FAM111A: variants seen among roughly 807,000 people sequenced by gnomAD.
FAM111A encodes serine protease FAM111A.
In FAM111A, 8 loss-of-function variants were observed where a neutral mutation model predicts 3.3. That is an observed-to-expected ratio of 2.39 (90% CI 1.40 to 4.32). The LOEUF is 4.32. Among genes scored for constraint, FAM111A ranks in the 30% most tolerant of loss-of-function variants. The probability of loss-of-function intolerance (pLI) is 0.00; values close to 1 mark genes in which losing one functional copy is unlikely to be tolerated. For missense variants in FAM111A, 683 were observed against 727.6 expected, an observed-to-expected ratio of 0.94 and a Z score of 0.71; for synonymous variants, 227 against 243.1, an observed-to-expected ratio of 0.93 and a Z score of 0.62.
Position 59,153,896 on chromosome 11 carries a change from G to C in FAM111A, c.*392G>C, listed in dbSNP as rs1303259469. On this transcript the variant is annotated 3_prime_UTR_variant, in exon 6 of 6. Coordinates refer to ENST00000675163, the MANE Select transcript of FAM111A (RefSeq NM_001312909.2). ...TTTTTTTTTTTTTTTTGTATTTTTAGTAGAGACAGGGTTTCACCATGTTGG... is the reference window on the plus strand; with the variant it reads ...TTTTTTTTTTTTTTTTGTATTTTTACTAGAGACAGGGTTTCACCATGTTGG... 6.8e-6 allele frequency: 1 copy of C among 146,894 alleles called. No homozygotes were observed. 9.1% of individuals were successfully genotyped at this position (146,894 alleles called of 1,614,324 possible). A position where few individuals can be genotyped will look rare whatever the true frequency, so the allele number is the denominator to read the frequency against.
chr11:59,145,946 C>T (rs1251638407), intron 4 of FAM111A, 90 bp downstream of exon 4: 1 of 151,070 alleles, frequency 6.6e-6, no homozygotes, highest in Non-Finnish European at 1.5e-5. Flanking sequence ...GTTTTAAAGG[C>T]TTTGCATATG....
chr11:59,149,181 C>A, intron 5 of FAM111A: 1 of 467,588 alleles, frequency 2.1e-6, no homozygotes, highest in Non-Finnish European at 3.8e-6. Context: ...TGTTGATATA[C>A]TGTATTGCTT....
At position 59,153,155 on chromosome 11, in the gene FAM111A, A is replaced by G; in HGVS notation, c.1487A>G (p.Lys496Arg). 1 of 1,614,230 alleles carries G rather than the reference A, an allele frequency of 6.2e-7. No homozygotes were observed. ...AVIPQGQRAK[K>R]CQERVQSKKA... The stretch of plus-strand genomic sequence containing the variant: ...ATCCCTCAGGGTCAGCGAGCAAAGA[A>G]ATGTCAGGAACGTGTTCAGTCTAAA... Residue 496 changes from lysine (K) to arginine (R), a missense_variant, in exon 6 of 6, where the codon AAA becomes AGA. Lys to Arg is a conservative substitution (Grantham distance 26). This residue lies in a region of FAM111A where 557 missense variants were observed against 600.2 expected (regional missense o/e 0.93). Coordinates refer to ENST00000675163, the MANE Select transcript of FAM111A (RefSeq NM_001312909.2).
At chr11:59,146,051 G>A (rs759015665) in intron 4 of FAM111A, among the ~76,000 whole-genome samples, 195 bp downstream of exon 4, 324 of 150,784 alleles carry the variant, frequency 2.1e-3, no homozygotes, top group Non-Finnish European at 3.4e-3. Context: ...GTGTATGTGT[G>A]TATATATATA....
At chr11:59,150,663 T>C (rs1449128835) in intron 5 of FAM111A, among the ~76,000 whole-genome samples, 1 of 152,172 alleles carries the variant, frequency 6.6e-6, no homozygotes, top group Non-Finnish European at 1.5e-5. Context: ...ATCATAAATA[T>C]AAAGTTTACA....
At chr11:59,146,317 C>A (rs1860892287) in intron 4 of FAM111A, among the ~76,000 whole-genome samples, 1 of 152,198 alleles carries the variant, frequency 6.6e-6, no homozygotes, top group African/African-American at 2.4e-5. Context: ...CTCCTGACTT[C>A]AAGTGATCCA....
rs912326732 is a variant in FAM111A at position 59,143,694 on chromosome 11, A to G, written c.-108A>G. On this transcript the variant is annotated splice_region_variant and 5_prime_UTR_variant, in exon 3 of 6. Coordinates refer to ENST00000675163, the MANE Select transcript of FAM111A (RefSeq NM_001312909.2). ...AGTGACAAATGTTGAGTACATTATC[A>G]GGTATGTTCACTATTGTGAGAACTG... The G allele has an allele frequency of 2.0e-5, 3 of 152,238 alleles. No homozygotes were observed. Among genetic ancestry groups the G allele is most frequent in the African/African-American group, 7.2e-5 (3 of 41,472 alleles). 9.4% of individuals were successfully genotyped at this position (152,238 alleles called of 1,614,324 possible). A position where few individuals can be genotyped will look rare whatever the true frequency, so the allele number is the denominator to read the frequency against.
intron 5 of FAM111A, among the ~76,000 whole-genome samples, chr11:59,150,368 T>G (rs1468921560): frequency 1.3e-5 from 2 of 152,216 alleles, no homozygotes; most frequent in Non-Finnish European, 2.9e-5. Context: ...TATGTGCTAG[T>G]CATTGTGCTA....
chr11:59,151,766 A>T lies in FAM111A; in HGVS notation c.98A>T (p.Gln33Leu). ...TATTTTTAGGTCTCTAAAGAGCAACAGAATAATTGCAGTACTTCTCTAATG... is the reference window on the plus strand; with the variant it reads ...TATTTTTAGGTCTCTAAAGAGCAACTGAATAATTGCAGTACTTCTCTAATG... ...HYFSPVSKEQ[Q>L]NNCSTSLMRM... is the part of the protein sequence containing the mutation. The change falls in exon 6 of 6, where the codon CAG (glutamine) becomes CTG (leucine). Residue 33 changes from glutamine (Q) to leucine (L), a missense_variant. By Grantham distance (113) the Gln-to-Leu change is moderately radical (BLOSUM62 -2). This residue lies in a region of FAM111A where 557 missense variants were observed against 600.2 expected (regional missense o/e 0.93). Coordinates refer to ENST00000675163, the MANE Select transcript of FAM111A (RefSeq NM_001312909.2). The T allele has an allele frequency of 1.3e-6, 2 of 1,585,152 alleles. No homozygotes were observed. Among genetic ancestry groups the T allele is most frequent in the Non-Finnish European group, 1.7e-6 (2 of 1,171,612 alleles).
intron 3 of FAM111A, chr11:59,144,130 C>G (rs1860509970): frequency 6.6e-6 from 1 of 152,196 alleles, no homozygotes; most frequent in South Asian, 2.1e-4. Context: ...TCTCCATTAC[C>G]TAAGTGAGCA....
chr11:59,148,159 A>G (rs183130649), intron 4 of FAM111A: 3 of 152,322 alleles, frequency 2.0e-5, no homozygotes, highest in African/African-American at 7.2e-5. Flanking sequence ...AAGTTTGTTC[A>G]TCCTCTTCTA....
At chr11:59,144,247 A>C (rs559067508) in intron 3 of FAM111A, 8 of 152,226 alleles carry the variant, frequency 5.3e-5, no homozygotes, top group African/African-American at 1.9e-4. Context: ...CCAACCCTCA[A>C]CTCAGAATCA....
At position 59,152,031 on chromosome 11, in the gene FAM111A, C is replaced by A. The variant is rs1464897082; in HGVS notation, c.363C>A (p.His121Gln). 2 of 1,614,174 alleles carry A rather than the reference C, an allele frequency of 1.2e-6. No homozygotes were observed. Among genetic ancestry groups the A allele is most frequent in the East Asian group, 2.2e-5 (1 of 44,886 alleles). Residue 121 changes from histidine to glutamine, a missense_variant, in exon 6 of 6, where the codon CAC becomes CAA. Transcript: ENST00000675163. ...LQAVRKEIET[H>Q]QGQEMLVRGT... ...CTGTCAGAAAAGAGATAGAAACTCA[C>A]CAAGGCCAAGAAATGCTTGTGCGTG... is the stretch of plus-strand genomic sequence containing the variant.
At position 59,151,799 on chromosome 11, in the gene FAM111A, A is replaced by G; in HGVS notation, c.131A>G (p.Glu44Gly). ...NNCSTSLMRMESRGDPRATTN... is the reference protein window; with the variant it reads ...NNCSTSLMRMGSRGDPRATTN... Reference sequence around the variant, plus strand: ...TGCAGTACTTCTCTAATGAGGATGGAGTCTAGAGGAGACCCAAGAGCCACA... The same window carrying G: ...TGCAGTACTTCTCTAATGAGGATGGGGTCTAGAGGAGACCCAAGAGCCACA... The change falls in exon 6 of 6, where the codon GAG becomes GGG. Residue 44 changes from glutamate (E) to glycine (G), a missense_variant. Glu to Gly is a moderately conservative substitution (Grantham distance 98). Transcript: ENST00000675163. 1.2e-6 allele frequency: 2 copies of G among 1,608,542 alleles called. No homozygotes were observed. The highest frequency in any genetic ancestry group is 1.1e-5 in the South Asian group (1 of 89,874).
At chr11:59,145,577 A>G (rs1239051521) in intron 3 of FAM111A, 1 of 152,208 alleles carries the variant, frequency 6.6e-6, no homozygotes, top group East Asian at 1.9e-4. Flanking sequence ...GCCCCTTTCC[A>G]CTGTGATTGC....
chr11:59,153,113 T>C lies in FAM111A; in HGVS notation c.1445T>C (p.Ile482Thr), dbSNP rs375431912. 26 of 1,614,060 alleles carry C rather than the reference T, an allele frequency of 1.6e-5. No individual in the cohort carries two copies. In the African/African-American group the frequency reaches 2.3e-4, roughly 14 times the overall value. The change falls in exon 6 of 6, where the codon ATT (isoleucine) becomes ACT (threonine). Residue 482 changes from isoleucine (I) to threonine (T), a missense_variant. By Grantham distance (89) the Ile-to-Thr change is moderately conservative. Transcript: ENST00000675163. Reference protein sequence around the residue: ...IGHPYGEKKQIDACAVIPQGQ... With the variant: ...IGHPYGEKKQTDACAVIPQGQ... ...CATCCATATGGAGAAAAAAAGCAGA[T>C]TGATGCTTGTGCTGTGATCCCTCAG...
intron 4 of FAM111A, among the ~76,000 whole-genome samples, chr11:59,147,843 A>G (rs1217882435): frequency 6.6e-6 from 1 of 152,214 alleles, no homozygotes; most frequent in African/African-American, 2.4e-5. Context: ...GTAAAAGTTT[A>G]ATCTCCCTGG....
chr11:59,149,843 G>A (rs1028034576), intron 5 of FAM111A, among the ~76,000 whole-genome samples: 1 of 152,186 alleles, frequency 6.6e-6, no homozygotes, highest in Non-Finnish European at 1.5e-5. Context: ...TAAGTTTAAT[G>A]ACATGTAGTT....
chr11:59,153,684 T>C lies in FAM111A; in HGVS notation c.*180T>C, dbSNP rs1862006949. On this transcript the variant is annotated 3_prime_UTR_variant, in exon 6 of 6. Transcript: ENST00000675163. Reference sequence around the variant, plus strand: ...AATTAGTCCTAACAACACTATGAGATGGACTATAACTTGCCCAAATTTTTT... The same window carrying C: ...AATTAGTCCTAACAACACTATGAGACGGACTATAACTTGCCCAAATTTTTT... 1.8e-6 allele frequency: 1 copy of C among 546,888 alleles called. No homozygotes were observed. The highest frequency in any genetic ancestry group is 3.1e-6 in the Non-Finnish European group (1 of 318,354). 33.9% of individuals were successfully genotyped at this position (546,888 alleles called of 1,614,324 possible).
Sources: allele counts gnomAD v4.1 joint callset (sites outside exome capture counted in the v4.1 genomes callset), GRCh38; gene constraint gnomAD v4.1.1; regional missense constraint gnomAD v4.1.1; transcripts MANE v1.5; gene names NCBI Gene and HGNC (gene_info 2026-07-23, HGNC 2026-07-21).